Variants in FGF10 observed in about 807,000 individuals in gnomAD.
The protein encoded by FGF10 is fibroblast growth factor 10, also known as FGF-10.
Under a neutral mutation model 19.8 loss-of-function variants are expected in FGF10, and 2 were observed. The ratio of observed to expected loss-of-function variants is 0.10; its 90% confidence interval spans 0.04 to 0.32. FGF10 has a LOEUF of 0.32. Among genes scored for constraint, FGF10 ranks in the 10% least tolerant of loss-of-function variants. FGF10 has a pLI of 1.00. For synonymous variants in FGF10, 112 were observed against 94.0 expected, an observed-to-expected ratio of 1.19 and a Z score of -1.10; for missense variants, 191 against 246.3, an observed-to-expected ratio of 0.78 and a Z score of 1.50.
At chr5:44,344,566 C>CTGTGTGTGTGTGTG (rs1455840251) in intron 1 of FGF10, among the ~76,000 whole-genome samples, 12 of 16,058 alleles carry the variant, frequency 7.5e-4, no homozygotes, top group African/African-American at 1.7e-3. Context: ...GTTTTGTTTT[C>CTGTGTGTGTGTGTG]TCTGTGTGTG....
At chr5:44,386,124 C>A (rs921132462) in intron 1 of FGF10, among the ~76,000 whole-genome samples, 1 of 151,878 alleles carries the variant, frequency 6.6e-6, no homozygotes, top group East Asian at 1.9e-4. Context: ...CCCTTTTATA[C>A]AATATATATT....
intron 1 of FGF10, among the ~76,000 whole-genome samples, chr5:44,322,647 G>A (rs1740522598): frequency 6.6e-6 from 1 of 152,056 alleles, no homozygotes; most frequent in African/African-American, 2.4e-5. Context: ...TTAAAGTCAA[G>A]GCAGAATATC....
chr5:44,368,682 T>G (rs1193485773), intron 1 of FGF10, among the ~76,000 whole-genome samples: 1 of 152,030 alleles, frequency 6.6e-6, no homozygotes, highest in African/African-American at 2.4e-5. Context: ...TGTTGTTTTG[T>G]TTTTTTGAGA....
chr5:44,333,056 T>C (rs1740773022), intron 1 of FGF10, among the ~76,000 whole-genome samples: 1 of 152,112 alleles, frequency 6.6e-6, no homozygotes, highest in Non-Finnish European at 1.5e-5. Flanking sequence ...GTGTTCCTCT[T>C]ATCTTTTATT....
At chr5:44,333,795 G>T (rs1740788974) in intron 1 of FGF10, among the ~76,000 whole-genome samples, 1 of 152,090 alleles carries the variant, frequency 6.6e-6, no homozygotes, top group African/African-American at 2.4e-5. Flanking sequence ...ATAATGTGAG[G>T]CTGCCAGTTT....
At chr5:44,320,175 T>G (rs1224322567) in intron 1 of FGF10, among the ~76,000 whole-genome samples, 1 of 152,180 alleles carries the variant, frequency 6.6e-6, no homozygotes, top group Non-Finnish European at 1.5e-5. Flanking sequence ...TAGATGAACG[T>G]TAGCAGACAG....
chr5:44,385,794 C>T (rs1414931678), intron 1 of FGF10, among the ~76,000 whole-genome samples: 1 of 152,090 alleles, frequency 6.6e-6, no homozygotes, highest in Non-Finnish European at 1.5e-5. Flanking sequence ...CTTAATGATA[C>T]CATGTAGTTC....
Position 44,301,457 on chromosome 5 carries a change from T to C in FGF10, c.*3538A>G, listed in dbSNP as rs898000298. 6.6e-6 allele frequency among the ~76,000 whole-genome samples: 1 copy of C among 150,752 alleles called. No individual in the cohort carries two copies. Among genetic ancestry groups the C allele is most frequent in the Non-Finnish European group, 1.5e-5 (1 of 67,198 alleles). On this transcript the variant is annotated 3_prime_UTR_variant, in exon 3 of 3. Transcript: ENST00000264664. Reference sequence around the variant, plus strand: ...TGGGCCCTGGAAGCAACTTGCATTATTATGTATTTTTTCTCTCTAATTTTC... The same window carrying C: ...TGGGCCCTGGAAGCAACTTGCATTACTATGTATTTTTTCTCTCTAATTTTC...
chr5:44,331,936 A>T (rs1328905489), intron 1 of FGF10, among the ~76,000 whole-genome samples: 7 of 152,026 alleles, frequency 4.6e-5, no homozygotes, highest in African/African-American at 1.7e-4. Context: ...GAGACATGCA[A>T]GCTGTGTTCT....
chr5:44,301,154 C>A lies in FGF10; in HGVS notation c.*3841G>T, dbSNP rs1254629272. 1.3e-5 allele frequency among the ~76,000 whole-genome samples: 2 copies of A among 151,738 alleles called. No individual in the cohort carries two copies. The highest frequency in any genetic ancestry group is 2.9e-5 in the Non-Finnish European group (2 of 67,952). ...TTTTTTCAGTTTAAGTTGGAAAAGTCCTGCTTCATGAAATAAACAAGAACT... is the reference window on the plus strand; with the variant it reads ...TTTTTTCAGTTTAAGTTGGAAAAGTACTGCTTCATGAAATAAACAAGAACT... On this transcript the variant is annotated 3_prime_UTR_variant, in exon 3 of 3. Transcript: ENST00000264664.
At chr5:44,308,355 G>T (rs747129160) in intron 2 of FGF10, among the ~76,000 whole-genome samples, 3 of 152,092 alleles carry the variant, frequency 2.0e-5, no homozygotes, top group Non-Finnish European at 4.4e-5. Context: ...TCAATTAAAA[G>T]TATTTAAAAT....
chr5:44,323,690 C>T (rs1375253768), intron 1 of FGF10, among the ~76,000 whole-genome samples: 1 of 152,060 alleles, frequency 6.6e-6, no homozygotes, highest in Non-Finnish European at 1.5e-5. Flanking sequence ...TAAAGAAATT[C>T]CTAGAGAGGA....
At chr5:44,321,367 T>C (rs988225914) in intron 1 of FGF10, among the ~76,000 whole-genome samples, 2 of 152,238 alleles carry the variant, frequency 1.3e-5, no homozygotes, top group African/African-American at 4.8e-5. Context: ...ATGCTTGTTT[T>C]AGTGCAATAT....
At chr5:44,349,087 G>C (rs1460971920) in intron 1 of FGF10, among the ~76,000 whole-genome samples, 2 of 151,244 alleles carry the variant, frequency 1.3e-5, no homozygotes, top group Non-Finnish European at 3.0e-5. Flanking sequence ...GATCTGTCCA[G>C]CTTAAATAAT....
chr5:44,369,184 G>A (rs539502351), intron 1 of FGF10, among the ~76,000 whole-genome samples: 3 of 152,162 alleles, frequency 2.0e-5, no homozygotes, highest in African/African-American at 4.8e-5. Context: ...CAGTTCACTC[G>A]TCTGAGAAAA....
chr5:44,372,244 G>A lies in FGF10; in HGVS notation c.325+16114C>T, dbSNP rs17227612. ...GCCACATTCCTTGGCCACATTCCTT[G>A]GCTCATGGCCTTACCACTATGTTGA... On this transcript the variant is annotated intron_variant, in intron 1 of 2. Transcript: ENST00000264664. Among the ~76,000 whole-genome samples, 621 of 152,162 alleles carry A rather than the reference G, an allele frequency of 4.1e-3. 4 individuals carry two copies. The highest frequency in any genetic ancestry group is 0.014 in the African/African-American group (595 of 41,506).
rs1389266344 is a variant in FGF10, at chr5:44,302,275, T to TTTCCTTCC, written c.*2719_*2720insGGAAGGAA. ...CCTCCCTTCTTTCCTTCCTTCCTTC[T>TTTCCTTCC]TTCCTTGCTTCCTTCCTTCCTTCCT... On this transcript the variant is annotated 3_prime_UTR_variant, in exon 3 of 3. Coordinates refer to ENST00000264664, the MANE Select transcript of FGF10 (RefSeq NM_004465.2). Among the ~76,000 whole-genome samples, 2 of 136,460 alleles carry TTTCCTTCC rather than the reference T, an allele frequency of 1.5e-5. No homozygotes were observed. Among genetic ancestry groups the TTTCCTTCC allele is most frequent in the East Asian group, 2.5e-4 (1 of 4,074 alleles). The allele number at this position is 136,460 out of a possible 152,430, so 89.5% of individuals were successfully genotyped here. A position where few individuals can be genotyped will look rare whatever the true frequency, so the allele number is the denominator to read the frequency against.
intron 1 of FGF10, among the ~76,000 whole-genome samples, chr5:44,377,072 T>C (rs1229938412): frequency 6.6e-6 from 1 of 152,212 alleles, no homozygotes; most frequent in Non-Finnish European, 1.5e-5. Context: ...TTCCTCCCTG[T>C]GATTTCCTGA....
intron 1 of FGF10, among the ~76,000 whole-genome samples, chr5:44,340,328 G>C (rs1188330064): frequency 1.3e-5 from 2 of 151,926 alleles, no homozygotes; most frequent in Non-Finnish European, 2.9e-5. Flanking sequence ...CTTTAGTGAG[G>C]GTTATAAGCC....
Sources: allele counts gnomAD v4.1 joint callset (sites outside exome capture counted in the v4.1 genomes callset), GRCh38; gene constraint gnomAD v4.1.1; transcripts MANE v1.5; gene names NCBI Gene and HGNC (gene_info 2026-07-23, HGNC 2026-07-21).